CENPW: variants seen among roughly 807,000 people sequenced by gnomAD.
The protein encoded by CENPW is centromere protein W, also known as cancer-up-regulated gene 2 protein.
Under a neutral mutation model 11.1 loss-of-function variants are expected in CENPW, and 3 were observed. The observed-to-expected ratio is 0.27, with a 90% confidence interval of 0.12 to 0.70. The LOEUF is 0.70. Among genes scored for constraint, CENPW ranks in the 30% least tolerant of loss-of-function variants. The probability of loss-of-function intolerance (pLI) is 0.77; values close to 1 mark genes in which losing one functional copy is unlikely to be tolerated. For missense variants in CENPW, 100 were observed against 105.6 expected, an observed-to-expected ratio of 0.95 and a Z score of 0.23; for synonymous variants, 38 against 42.0, an observed-to-expected ratio of 0.91 and a Z score of 0.37.
At chr6:126,459,537 A>G in the CENPW span, among the ~76,000 whole-genome samples, 1 of 151,628 alleles carries the variant, frequency 6.6e-6, no homozygotes, top group Non-Finnish European at 1.5e-5. Flanking sequence ...CACAGAATTC[A>G]CATAGTAATT....
the CENPW span, among the ~76,000 whole-genome samples, chr6:126,437,521 A>G: frequency 2.0e-5 from 3 of 151,944 alleles, no homozygotes; most frequent in Admixed American, 2.0e-4. Context: ...GAGCAAAAAT[A>G]CAGCTTGAAA....
At chr6:126,396,324 C>T in the CENPW span, among the ~76,000 whole-genome samples, 1 of 152,282 alleles carries the variant, frequency 6.6e-6, no homozygotes, top group Non-Finnish European at 1.5e-5. Flanking sequence ...CTCTCCACCA[C>T]CACCACCTCC....
At chr6:126,411,350 T>C in the CENPW span, among the ~76,000 whole-genome samples, 2 of 152,208 alleles carry the variant, frequency 1.3e-5, no homozygotes, top group African/African-American at 4.8e-5. Flanking sequence ...TTTTATGTCT[T>C]TCTATTCCTG....
the CENPW span, among the ~76,000 whole-genome samples, chr6:126,371,569 G>A: frequency 6.6e-6 from 1 of 152,028 alleles, no homozygotes; most frequent in African/African-American, 2.4e-5. Flanking sequence ...TCCTTTCCTG[G>A]TTTTGATATT....
the CENPW span, among the ~76,000 whole-genome samples, chr6:126,463,076 G>C: frequency 6.6e-6 from 1 of 152,014 alleles, no homozygotes; most frequent in Non-Finnish European, 1.5e-5. Flanking sequence ...GGAATCACGA[G>C]TTTTAACTGT....
the CENPW span, among the ~76,000 whole-genome samples, chr6:126,355,347 A>G: frequency 6.6e-6 from 1 of 152,062 alleles, no homozygotes. Context: ...GGTATTTTTG[A>G]CTCTAAAATG....
At chr6:126,430,266 T>C in the CENPW span, among the ~76,000 whole-genome samples, 2 of 152,212 alleles carry the variant, frequency 1.3e-5, no homozygotes, top group Admixed American at 6.5e-5. Flanking sequence ...AAACAAGTGA[T>C]GAAGGGAAAT....
the CENPW span, among the ~76,000 whole-genome samples, chr6:126,436,991 T>C: frequency 1.3e-5 from 2 of 151,716 alleles, no homozygotes; most frequent in African/African-American, 4.8e-5. Context: ...TGTCACATGA[T>C]GCAAAGGTCT....
the CENPW span, among the ~76,000 whole-genome samples, chr6:126,379,877 G>C: frequency 6.6e-6 from 1 of 152,088 alleles, no homozygotes; most frequent in Non-Finnish European, 1.5e-5. Flanking sequence ...CCAAAAATGT[G>C]TTTCATTTTA....
At chr6:126,407,745 G>C in the CENPW span, among the ~76,000 whole-genome samples, 51 of 152,206 alleles carry the variant, frequency 3.4e-4, no homozygotes, top group South Asian at 0.01. Flanking sequence ...AGAAGTGTCT[G>C]TTCACGTCCT....
chr6:126,409,800 C>T, the CENPW span, among the ~76,000 whole-genome samples: 1 of 151,938 alleles, frequency 6.6e-6, no homozygotes, highest in Middle Eastern at 3.4e-3. Flanking sequence ...CTATACACAT[C>T]TTTACCAGTG....
the CENPW span, among the ~76,000 whole-genome samples, chr6:126,393,092 A>G: frequency 2.0e-5 from 3 of 151,962 alleles, no homozygotes; most frequent in Admixed American, 2.0e-4. Context: ...TGTTGCTTAT[A>G]GTAGCTACTA....
At chr6:126,425,260 A>C in the CENPW span, among the ~76,000 whole-genome samples, 6 of 152,142 alleles carry the variant, frequency 3.9e-5, no homozygotes, top group Non-Finnish European at 8.8e-5. Flanking sequence ...AAATACAAAA[A>C]AATTACTTGG....
chr6:126,422,890 T>C, the CENPW span, among the ~76,000 whole-genome samples: 6 of 152,256 alleles, frequency 3.9e-5, no homozygotes, highest in Admixed American at 1.3e-4. Context: ...GCCTGTAGAA[T>C]GAACGGGGCC....
chr6:126,352,899 A>G (rs892611654), downstream of CENPW, among the ~76,000 whole-genome samples: 5 of 151,792 alleles, frequency 3.3e-5, no homozygotes, highest in African/African-American at 1.2e-4. Context: ...ATTCTTTATT[A>G]CTCTAGTTAT....
rs982278973 is a variant in CENPW, at chr6:126,340,374, G to A, written c.101G>A (p.Arg34His). 3 of 1,614,040 alleles carry A rather than the reference G, an allele frequency of 1.9e-6. No homozygotes were observed. Among genetic ancestry groups the A allele is most frequent in the African/African-American group, 2.7e-5 (2 of 74,926 alleles). ...TTCAAGCGAAAGAAGCCTCAACTTCGTCTGGAGAAAAGTGGTGACTTATTG... is the reference window on the plus strand; with the variant it reads ...TTCAAGCGAAAGAAGCCTCAACTTCATCTGGAGAAAAGTGGTGACTTATTG... ...RVFKRKKPQL[R>H]LEKSGDLLVH... Residue 34 changes from arginine to histidine, a missense_variant, in exon 1 of 3, where the codon CGT becomes CAT. Physicochemically the swap from Arg to His is conservative, Grantham distance 29 (BLOSUM62 0). Transcript: ENST00000368328.
the CENPW span, among the ~76,000 whole-genome samples, chr6:126,453,807 G>A: frequency 1.3e-5 from 2 of 151,118 alleles, no homozygotes; most frequent in Non-Finnish European, 3.0e-5. Context: ...GTCTTCAAGT[G>A]ATCCATGTTA....
At chr6:126,389,415 C>G in the CENPW span, among the ~76,000 whole-genome samples, 1 of 151,884 alleles carries the variant, frequency 6.6e-6, no homozygotes, top group African/African-American at 2.4e-5. Context: ...CCAAACATTT[C>G]TTGGGATTCT....
the CENPW span, among the ~76,000 whole-genome samples, chr6:126,402,015 A>G: frequency 6.6e-6 from 1 of 151,954 alleles, no homozygotes; most frequent in African/African-American, 2.4e-5. Flanking sequence ...GGCAGCACCT[A>G]TTTTCTTTTC....
Sources: gnomAD v4.1 joint callset for allele counts (sites outside exome capture counted in the v4.1 genomes callset) on GRCh38, gnomAD v4.1.1 for gene constraint, MANE v1.5 for transcripts, NCBI Gene and HGNC (gene_info 2026-07-23, HGNC 2026-07-21) for gene names.